The following LARGE1 variants were observed in gnomAD, a reference collection of about 807,000 sequenced individuals.
LARGE1 encodes the protein xylosyl- and glucuronyltransferase LARGE1.
Under a neutral mutation model 87.6 loss-of-function variants are expected in LARGE1, and 43 were observed. The ratio of observed to expected loss-of-function variants is 0.49; its 90% CI spans 0.38 to 0.63. The LOEUF (loss-of-function observed/expected upper bound fraction) is 0.63. Among genes scored for constraint, LARGE1 ranks in the 30% least tolerant of loss-of-function variants. The probability of loss-of-function intolerance (pLI) is 0.00; values close to 1 mark genes in which losing one functional copy is unlikely to be tolerated. For synonymous variants in LARGE1, 434 were observed against 394.6 expected (o/e 1.10, Z -1.18); for missense variants, 802 against 1,000.2 (o/e 0.80, Z 2.67).
At chr22:33,506,323 C>T (rs2070764800) in intron 6 of LARGE1, among the ~76,000 whole-genome samples, 1 of 152,142 alleles carries the variant, frequency 6.6e-6, no homozygotes, top group Non-Finnish European at 1.5e-5. Context: ...CAACTCTGCA[C>T]TAGGCACAGA....
the LARGE1 span, among the ~76,000 whole-genome samples, chr22:33,103,432 C>CAAAAAAAAAAAA: frequency 5.9e-5 from 2 of 33,802 alleles, no homozygotes; most frequent in Non-Finnish European, 8.9e-5. Flanking sequence ...GACTCTGTCT[C>CAAAAAAAAAAAA]AAAAAAAAAA....
intron 2 of LARGE1, among the ~76,000 whole-genome samples, chr22:33,679,640 G>C (rs1281191357): frequency 6.6e-6 from 1 of 152,132 alleles, no homozygotes; most frequent in Non-Finnish European, 1.5e-5. Flanking sequence ...TCAGGAGTTC[G>C]AGACCAGCCT....
intron 1 of LARGE1, among the ~76,000 whole-genome samples, chr22:33,778,916 G>T (rs1400894757): frequency 6.6e-6 from 1 of 152,148 alleles, no homozygotes; most frequent in Non-Finnish European, 1.5e-5. Context: ...CTCCCAAAGT[G>T]CTGGGATTAC....
At chr22:33,657,281 T>C (rs1463356546) in intron 2 of LARGE1, 1 of 152,234 alleles carries the variant, frequency 6.6e-6, no homozygotes, top group African/African-American at 2.4e-5. Flanking sequence ...AACCTTTATA[T>C]GGCAAAATCT....
intron 11 of LARGE1, 130 bp from the exon 12 acceptor site, chr22:33,304,637 T>C (rs1412205442): frequency 1.0e-6 from 1 of 964,494 alleles, no homozygotes; most frequent in Non-Finnish European, 1.5e-6. Context: ...GCTTTCAACG[T>C]TGACTCACTC....
At chr22:33,310,897 C>T (rs563367251) in intron 11 of LARGE1, among the ~76,000 whole-genome samples, 27 of 151,802 alleles carry the variant, frequency 1.8e-4, no homozygotes, top group African/African-American at 6.5e-4. Context: ...TACGCTTGGG[C>T]TGTCCATGCT....
In LARGE1 at chr22:33,645,207, C is replaced by T. The variant is rs1329936029; in HGVS notation, c.408+5160G>A. Among the ~76,000 whole-genome samples the T allele has an allele frequency of 2.3e-5, 3 of 130,216 alleles. No individual in the cohort carries two copies. The East Asian group carries it at 6.9e-4, about 30-fold the overall frequency. 85.4% of individuals were successfully genotyped at this position (130,216 alleles called of 152,430 possible). A position where few individuals can be genotyped will look rare whatever the true frequency, so the allele number is the denominator to read the frequency against. On this transcript the variant is annotated intron_variant, in intron 3 of 14. Coordinates refer to ENST00000397394, the MANE Select transcript of LARGE1 (RefSeq NM_133642.5). Reference sequence around the variant, plus strand: ...GCAGCATGGTACTCCTACAAGGCTACAGTAACCAAAACAGCATGGTACTGG... The same window carrying T: ...GCAGCATGGTACTCCTACAAGGCTATAGTAACCAAAACAGCATGGTACTGG...
At chr22:33,398,365 G>A (rs2065820955) in intron 7 of LARGE1, among the ~76,000 whole-genome samples, 2 of 152,100 alleles carry the variant, frequency 1.3e-5, no homozygotes, top group African/African-American at 4.8e-5. Context: ...AAGGATCTAA[G>A]TCCCTGACAC....
intron 6 of LARGE1, among the ~76,000 whole-genome samples, chr22:33,463,314 T>C (rs937713286): frequency 4.0e-5 from 6 of 151,642 alleles, no homozygotes; most frequent in African/African-American, 9.7e-5. Context: ...AAAAAGCTGA[T>C]GAATTTGTAT....
intron 12 of LARGE1, 77 bp downstream of exon 12, chr22:33,304,152 T>C: frequency 5.2e-6 from 8 of 1,528,982 alleles, no homozygotes; most frequent in Middle Eastern, 1.7e-4. Context: ...ATGATGACCC[T>C]AAGGGCCTTT....
At chr22:33,163,645 C>T (rs921226012) in exon 12 of LARGE1, 4 of 152,206 alleles carry the variant, frequency 2.6e-5, no homozygotes, top group Admixed American at 2.0e-4. Context: ...ACGGTTTTAT[C>T]ACATTCCAGT....
In LARGE1 at chr22:33,378,344, A is replaced by C. The variant is rs5998900; in HGVS notation, c.1131+3575T>G. On this transcript the variant is annotated intron_variant, in intron 9 of 14. Transcript: ENST00000397394. ...TCATTCTACCTAAAACCAAGGATGAAACAGACAACAACCTCTACTGTCTTC... is the reference window on the plus strand; with the variant it reads ...TCATTCTACCTAAAACCAAGGATGACACAGACAACAACCTCTACTGTCTTC... 4.0e-3 allele frequency among the ~76,000 whole-genome samples: 603 copies of C among 152,318 alleles called. 8 individuals are homozygous for C. The highest frequency in any genetic ancestry group is 0.014 in the African/African-American group (576 of 41,564).
chr22:33,595,059 C>T (rs946653377), intron 5 of LARGE1, among the ~76,000 whole-genome samples: 3 of 152,108 alleles, frequency 2.0e-5, no homozygotes, highest in African/African-American at 7.2e-5. Context: ...TTGGCAAATT[C>T]CTTAGAAATA....
intron 6 of LARGE1, among the ~76,000 whole-genome samples, chr22:33,439,229 A>G (rs950734993): frequency 1.1e-4 from 16 of 151,184 alleles, no homozygotes; most frequent in African/African-American, 2.9e-4. Flanking sequence ...AAAAAAAAAA[A>G]GGATGACAGA....
intron 2 of LARGE1, among the ~76,000 whole-genome samples, chr22:33,703,836 T>G (rs999384614): frequency 6.6e-6 from 1 of 152,246 alleles, no homozygotes; most frequent in Admixed American, 6.5e-5. Context: ...AAATCTGTAT[T>G]ATTTTAAGCC....
chr22:33,099,657 TA>T, the LARGE1 span, among the ~76,000 whole-genome samples: 1 of 152,250 alleles, frequency 6.6e-6, no homozygotes, highest in African/African-American at 2.4e-5. Flanking sequence ...TTATGTTTCC[TA>T]ATAAGGTTTG....
the LARGE1 span, among the ~76,000 whole-genome samples, chr22:33,131,905 A>AG: frequency 1.3e-5 from 2 of 152,148 alleles, no homozygotes; most frequent in African/African-American, 2.4e-5. Context: ...ATAACTGGGG[A>AG]GGCTTCACAA....
intron 11 of LARGE1, among the ~76,000 whole-genome samples, chr22:33,231,364 G>A (rs1300126370): frequency 6.6e-6 from 1 of 152,210 alleles, no homozygotes; most frequent in Non-Finnish European, 1.5e-5. Context: ...CCAGGGGTAA[G>A]ATATTTGATT....
intron 2 of LARGE1, chr22:33,733,590 T>C (rs2083545492): frequency 6.6e-6 from 1 of 152,154 alleles, no homozygotes; most frequent in Non-Finnish European, 1.5e-5. Context: ...TTGGCTTTTC[T>C]CTTTTGGAAT....
Sources: allele counts gnomAD v4.1 joint callset (sites outside exome capture counted in the v4.1 genomes callset), GRCh38; gene constraint gnomAD v4.1.1; transcripts MANE v1.5; gene names NCBI Gene and HGNC (gene_info 2026-07-23, HGNC 2026-07-21).